ZBTB25: variants seen among roughly 807,000 people sequenced by gnomAD.
The protein encoded by ZBTB25 is zinc finger and BTB domain-containing protein 25.
ZBTB25 carries 20 observed loss-of-function variants against 34.2 expected under a neutral mutation model. The ratio of observed to expected loss-of-function variants is 0.58; its 90% confidence interval spans 0.41 to 0.85. The LOEUF (loss-of-function observed/expected upper bound fraction) is 0.85. Among genes scored for constraint, ZBTB25 ranks in the 40% least tolerant of loss-of-function variants. The pLI is 0.00. For missense variants in ZBTB25, 437 were observed against 521.8 expected (o/e 0.84, Z 1.58); for synonymous variants, 175 against 186.4 (o/e 0.94, Z 0.50).
At chr14:64,457,575 C>T (rs2078496024) in intron 2 of ZBTB25, among the ~76,000 whole-genome samples, 1 of 151,952 alleles carries the variant, frequency 6.6e-6, no homozygotes, top group South Asian at 2.1e-4. Flanking sequence ...CCTGCCTCAG[C>T]CTCCCAAGTA....
intron 2 of ZBTB25, chr14:64,458,553 G>A (rs1175946436): frequency 2.5e-5 from 13 of 523,824 alleles, no homozygotes; most frequent in Non-Finnish European, 3.4e-5. Context: ...CAGTGTAGGG[G>A]AGAAAACTGC....
rs553850374 is a variant in ZBTB25, at chr14:64,485,219, C to T, written c.*1704G>A. On this transcript the variant is annotated 3_prime_UTR_variant, in exon 3 of 3. Transcript: ENST00000608382. ...CTCTTTGAGCTCCCTCCTGATTGGA[C>T]GCTGATGCTGTTGAATGTGTCAGGA... 7.1e-6 allele frequency: 7 copies of T among 985,442 alleles called. No homozygotes were observed. Among genetic ancestry groups the T allele is most frequent in the African/African-American group, 1.7e-5 (1 of 57,360 alleles). The allele number at this position is 985,442 out of a possible 1,614,324, so 61.0% of individuals were successfully genotyped here.
chr14:64,491,245 T>G (rs2079065106), intron 1 of ZBTB25, among the ~76,000 whole-genome samples: 1 of 152,110 alleles, frequency 6.6e-6, no homozygotes, highest in Non-Finnish European at 1.5e-5. Context: ...GCAGGAGGGT[T>G]GCTTGAGCCC....
chr14:64,494,890 TTATC>T (rs760306617), intron 1 of ZBTB25, among the ~76,000 whole-genome samples: 24 of 152,380 alleles, frequency 1.6e-4, no homozygotes, highest in Non-Finnish European at 2.9e-4. Context: ...ATTAAATGAC[TTATC>T]TGTCATATCT....
Position 64,486,554 on chromosome 14 carries a change from G to A in ZBTB25, c.*369C>T. 1 of 949,000 alleles carries A rather than the reference G, an allele frequency of 1.1e-6. No individual in the cohort carries two copies. Among genetic ancestry groups the A allele is most frequent in the Non-Finnish European group, 1.3e-6 (1 of 793,880 alleles). The allele number at this position is 949,000 out of a possible 1,614,324, so 58.8% of individuals were successfully genotyped here. A position where few individuals can be genotyped will look rare whatever the true frequency, so the allele number is the denominator to read the frequency against. On this transcript the variant is annotated 3_prime_UTR_variant, in exon 3 of 3. Coordinates refer to ENST00000608382, the MANE Select transcript of ZBTB25 (RefSeq NM_006977.5). Reference sequence around the variant, plus strand: ...ATGTGAAATGTAGGCAGAAGTGATAGTTTAGAATATGCTTTAAAACAGATT... The same window carrying A: ...ATGTGAAATGTAGGCAGAAGTGATAATTTAGAATATGCTTTAAAACAGATT...
At position 64,480,322 on chromosome 14, in the gene ZBTB25, C is replaced by CAAAAAAAAAAAAAAAAA; in HGVS notation, c.*6584_*6600dup. Reference sequence around the variant, plus strand: ...TGGGCAACAGAGCAAGACTCCATCTCAAAAAAAAAAAAAAAAAAAAAAAAG... The same window carrying CAAAAAAAAAAAAAAAAA: ...TGGGCAACAGAGCAAGACTCCATCTCAAAAAAAAAAAAAAAAAAAAAAAAAAAAAAAAAAAAAAAAAG... On this transcript the variant is annotated 3_prime_UTR_variant, in exon 3 of 3. Coordinates refer to ENST00000608382, the MANE Select transcript of ZBTB25 (RefSeq NM_006977.5). 3 of 201,878 alleles carry CAAAAAAAAAAAAAAAAA rather than the reference C, an allele frequency of 1.5e-5. No homozygotes were observed. The highest frequency in any genetic ancestry group is 1.7e-5 in the Non-Finnish European group (2 of 115,490). The allele number at this position is 201,878 out of a possible 1,614,324, so 12.5% of individuals were successfully genotyped here.
At position 64,496,080 on chromosome 14, in the gene ZBTB25, T is replaced by C. The variant is rs112288578; in HGVS notation, c.-7-5540A>G. The stretch of plus-strand genomic sequence containing the variant: ...TTCTTTTTAAACGAAAGCAATTTAT[T>C]AGAAAATAAATAAAAGAATGGCTAC... On this transcript the variant is annotated intron_variant, in intron 1 of 2. Transcript: ENST00000608382. 1.4e-3 allele frequency among the ~76,000 whole-genome samples: 211 copies of C among 152,300 alleles called. 2 individuals are homozygous for C. Among genetic ancestry groups the C allele is most frequent in the African/African-American group, 4.9e-3 (202 of 41,564 alleles).
exon 3 of ZBTB25, chr14:64,449,637 G>C: frequency 6.2e-7 from 1 of 1,613,464 alleles, no homozygotes; most frequent in East Asian, 2.2e-5. Flanking sequence ...GTGATTTGCT[G>C]TCTGCAAAAA....
chr14:64,504,541 G>C (rs919041513), upstream of ZBTB25: 4 of 179,458 alleles, frequency 2.2e-5, no homozygotes, highest in African/African-American at 4.7e-5. Context: ...CGGCCCCCGC[G>C]GTGCGGGTTG....
At chr14:64,452,244 G>C (rs1353806114) in intron 2 of ZBTB25, among the ~76,000 whole-genome samples, 1 of 152,240 alleles carries the variant, frequency 6.6e-6, no homozygotes, top group East Asian at 1.9e-4. Context: ...GCAGTGAGCT[G>C]AGATGACGCC....
chr14:64,453,823 C>A, intron 2 of ZBTB25: 1 of 1,612,522 alleles, frequency 6.2e-7, no homozygotes, highest in South Asian at 1.1e-5. Flanking sequence ...TGAATTACTT[C>A]CCGAAGCTCA....
At chr14:64,460,021 A>G (rs2078536153) in intron 2 of ZBTB25, 2 of 1,121,890 alleles carry the variant, frequency 1.8e-6, no homozygotes, top group African/African-American at 1.6e-5. Flanking sequence ...GTGTTGCAAT[A>G]TGAATTACAG....
Position 64,487,868 on chromosome 14 carries a change from C to G in ZBTB25, c.363G>C (p.Glu121Asp), listed in dbSNP as rs750632210. Residue 121 changes from glutamate (E) to aspartate (D), a missense_variant, in exon 3 of 3, where the codon GAG (glutamate) becomes GAC (aspartate). Glu to Asp is a conservative substitution (Grantham distance 45). Transcript: ENST00000608382. ...ATEMNQVFSP[E>D]TVQSSNLYGI... ...CATATAAATTTGAGGACTGCACAGT[C>G]TCTGGTGAGAACACTTGATTCATTT... 1.1e-5 allele frequency: 17 copies of G among 1,614,056 alleles called. No homozygotes were observed. The highest frequency in any genetic ancestry group is 1.4e-5 in the Non-Finnish European group (16 of 1,180,022).
rs2078878657 is a variant in ZBTB25 at position 64,486,874 on chromosome 14, GC to G, written c.*48del. The G allele has an allele frequency of 2.6e-6, 4 of 1,519,434 alleles. No individual in the cohort carries two copies. The African/African-American group carries it at 4.2e-5, about 16-fold the overall frequency. 94.1% of individuals were successfully genotyped at this position (1,519,434 alleles called of 1,614,324 possible). On this transcript the variant is annotated 3_prime_UTR_variant, in exon 3 of 3. Transcript: ENST00000608382. The stretch of plus-strand genomic sequence containing the variant: ...ATAATTTATGAATTAAAAATGCCAC[GC>G]AAATTTTCTTTTTCAGAATTGGTAT...
At chr14:64,449,355 G>A (rs2078334985) in exon 3 of ZBTB25, 2 of 1,436,056 alleles carry the variant, frequency 1.4e-6, no homozygotes, top group Non-Finnish European at 1.9e-6. Flanking sequence ...TTATCAGTGG[G>A]TAATTCACAT....
intron 1 of ZBTB25, among the ~76,000 whole-genome samples, chr14:64,498,474 C>A (rs1223885271): frequency 6.6e-6 from 1 of 151,792 alleles, no homozygotes; most frequent in Non-Finnish European, 1.5e-5. Context: ...TCACGCCTGG[C>A]TAATTTTTAT....
chr14:64,450,507 A>G (rs1042394122), intron 2 of ZBTB25, among the ~76,000 whole-genome samples: 4 of 152,208 alleles, frequency 2.6e-5, no homozygotes, highest in African/African-American at 7.2e-5. Context: ...TGCTTACTCT[A>G]TGATACAATA....
intron 2 of ZBTB25, among the ~76,000 whole-genome samples, chr14:64,455,598 AT>A (rs1245270966): frequency 6.6e-6 from 1 of 152,222 alleles, no homozygotes; most frequent in Non-Finnish European, 1.5e-5. Context: ...GTATCTACAG[AT>A]TGTACTGCCA....
chr14:64,463,345 C>T (rs763593979), intron 2 of ZBTB25: 1 of 151,748 alleles, frequency 6.6e-6, no homozygotes, highest in Non-Finnish European at 1.5e-5. Context: ...GTGAGTGACT[C>T]TGTGTGTATG....
Sources: allele counts gnomAD v4.1 joint callset (sites outside exome capture counted in the v4.1 genomes callset), GRCh38; gene constraint gnomAD v4.1.1; transcripts MANE v1.5; gene names NCBI Gene and HGNC (gene_info 2026-07-23, HGNC 2026-07-21).